CNIH1: variants seen among roughly 807,000 people sequenced by gnomAD.
CNIH1 encodes protein cornichon homolog 1.
CNIH1 carries 12 observed loss-of-function variants against 20.2 expected under a neutral mutation model. The ratio of observed to expected loss-of-function variants is 0.59; its 90% confidence interval spans 0.38 to 0.96. The LOEUF (loss-of-function observed/expected upper bound fraction) is 0.96. CNIH1 is among the 40% of genes least tolerant of loss of function. The pLI, the probability that CNIH1 is intolerant of heterozygous loss-of-function variation, is 0.00. For synonymous variants in CNIH1, 69 were observed against 63.3 expected, an observed-to-expected ratio of 1.09 and a Z score of -0.43; for missense variants, 152 against 178.8, an observed-to-expected ratio of 0.85 and a Z score of 0.85.
At chr14:54,430,607 A>G (rs542680999) in intron 3 of CNIH1, among the ~76,000 whole-genome samples, 1 of 152,364 alleles carries the variant, frequency 6.6e-6, no homozygotes, top group East Asian at 1.9e-4. Context: ...TAGCTAAACA[A>G]GTTTCTTCTA....
intron 1 of CNIH1, 84 bp from the exon 2 acceptor site, chr14:54,436,521 A>C: frequency 1.3e-6 from 1 of 743,064 alleles, no homozygotes; most frequent in Non-Finnish European, 2.3e-6. Flanking sequence ...TAATTATTAA[A>C]GTTAATAAAA....
At chr14:54,440,917 T>C (rs937884587) in intron 1 of CNIH1, among the ~76,000 whole-genome samples, 1 of 152,096 alleles carries the variant, frequency 6.6e-6, no homozygotes, top group Non-Finnish European at 1.5e-5. Context: ...TCCCCGGGAA[T>C]GCAGGGCCGC....
chr14:54,441,333 G>C lies in CNIH1; in HGVS notation c.-6C>G. 6.7e-6 allele frequency: 10 copies of C among 1,501,144 alleles called. No homozygotes were observed. The highest frequency in any genetic ancestry group is 8.0e-6 in the Non-Finnish European group (9 of 1,118,206). The allele number at this position is 1,501,144 out of a possible 1,614,324, so 93.0% of individuals were successfully genotyped here. A position where few individuals can be genotyped will look rare whatever the true frequency, so the allele number is the denominator to read the frequency against. ...GCCGCGAACGTGAACGCCATGGCTG[G>C]GGAGGAGGAGCGGGGAGCGGCGCCG... On this transcript the variant is annotated 5_prime_UTR_variant, in exon 1 of 5. Coordinates refer to ENST00000216416, the MANE Select transcript of CNIH1 (RefSeq NM_005776.3).
intron 4 of CNIH1, among the ~76,000 whole-genome samples, chr14:54,428,809 A>G (rs1053581624): frequency 1.6e-4 from 24 of 152,236 alleles, no homozygotes; most frequent in Admixed American, 1.0e-3. Flanking sequence ...ACTAAAGGAT[A>G]CTCATTTTCA....
At position 54,427,622 on chromosome 14, in the gene CNIH1, C is replaced by A; in HGVS notation, c.*192G>T. Reference sequence around the variant, plus strand: ...ACGTAATACCATTTAAAATCTTTATCTGAGTATAACATATGAAAACAGTCT... The same window carrying A: ...ACGTAATACCATTTAAAATCTTTATATGAGTATAACATATGAAAACAGTCT... On this transcript the variant is annotated 3_prime_UTR_variant, in exon 5 of 5. Transcript: ENST00000216416. 1.7e-6 allele frequency: 1 copy of A among 577,248 alleles called. No individual in the cohort carries two copies. The highest frequency in any genetic ancestry group is 2.4e-5 in the South Asian group (1 of 40,954). 35.8% of individuals were successfully genotyped at this position (577,248 alleles called of 1,614,324 possible). A position where few individuals can be genotyped will look rare whatever the true frequency, so the allele number is the denominator to read the frequency against.
chr14:54,432,902 T>G (rs1365036261), intron 2 of CNIH1, among the ~76,000 whole-genome samples: 2 of 152,208 alleles, frequency 1.3e-5, no homozygotes, highest in African/African-American at 4.8e-5. Context: ...TTCTCATTCT[T>G]AGGTGGCCTT....
intron 4 of CNIH1, among the ~76,000 whole-genome samples, chr14:54,428,187 C>T (rs1006102219): frequency 3.9e-5 from 6 of 152,112 alleles, no homozygotes; most frequent in Admixed American, 1.3e-4. Context: ...GCTCACTTCA[C>T]GCCAGGCCCT....
chr14:54,438,553 CT>C (rs1380572795), intron 1 of CNIH1, among the ~76,000 whole-genome samples: 1 of 152,176 alleles, frequency 6.6e-6, no homozygotes, highest in Non-Finnish European at 1.5e-5. Flanking sequence ...TTCAAACAAT[CT>C]ATGCTCCCGA....
At chr14:54,434,793 T>C (rs1239732126) in intron 2 of CNIH1, among the ~76,000 whole-genome samples, 1 of 152,242 alleles carries the variant, frequency 6.6e-6, no homozygotes, top group Non-Finnish European at 1.5e-5. Context: ...TAGGTTAAGA[T>C]GTTTTAAAAT....
rs1367547515 is a variant in CNIH1 at position 54,441,373 on chromosome 14, A to C, written c.-46T>G. ...GAGCGGCGCCGTTGCCAGCGGAGAAAGGCGGCGCAGGGCCCTCTGGGTAAA... is the reference window on the plus strand; with the variant it reads ...GAGCGGCGCCGTTGCCAGCGGAGAACGGCGGCGCAGGGCCCTCTGGGTAAA... On this transcript the variant is annotated 5_prime_UTR_variant, in exon 1 of 5. Coordinates refer to ENST00000216416, the MANE Select transcript of CNIH1 (RefSeq NM_005776.3). 2.0e-6 allele frequency: 3 copies of C among 1,464,906 alleles called. No individual in the cohort carries two copies. In the African/African-American group the frequency reaches 4.4e-5, roughly 21 times the overall value. 90.7% of individuals were successfully genotyped at this position (1,464,906 alleles called of 1,614,324 possible).
At chr14:54,436,787 T>TAAA in intron 1 of CNIH1, 5 of 382,546 alleles carry the variant, frequency 1.3e-5, no homozygotes, top group African/African-American at 2.1e-5. Context: ...CTCTTTATCC[T>TAAA]AAAAAAAAAA....
chr14:54,439,431 GA>G (rs1315496538), intron 1 of CNIH1, among the ~76,000 whole-genome samples: 2 of 151,686 alleles, frequency 1.3e-5, no homozygotes, highest in Non-Finnish European at 2.9e-5. Flanking sequence ...GTAAAAATGT[GA>G]AAAAGCCTAC....
In CNIH1 at chr14:54,430,068, C is replaced by T. The variant is rs1335025355; in HGVS notation, c.407+193G>A. 1.8e-5 allele frequency: 10 copies of T among 560,844 alleles called. No individual in the cohort carries two copies. The Middle Eastern group carries it at 7.9e-4, about 45-fold the overall frequency. 34.7% of individuals were successfully genotyped at this position (560,844 alleles called of 1,614,324 possible). ...TGACCAAACCTTCTGCCTCTGATGGCAGGCTGGTTTACTGCCTTGACAAGC... is the reference window on the plus strand; with the variant it reads ...TGACCAAACCTTCTGCCTCTGATGGTAGGCTGGTTTACTGCCTTGACAAGC... On this transcript the variant is annotated intron_variant, in intron 4 of 4. Transcript: ENST00000216416.
chr14:54,437,978 GTT>G (rs368797544), intron 1 of CNIH1, among the ~76,000 whole-genome samples: 34 of 141,804 alleles, frequency 2.4e-4, no homozygotes, highest in African/African-American at 5.7e-4. Flanking sequence ...GACTTCAAGG[GTT>G]TTTTTTTTTT....
intron 2 of CNIH1, among the ~76,000 whole-genome samples, chr14:54,433,670 AG>A (rs1241474832): frequency 6.6e-6 from 1 of 152,204 alleles, no homozygotes; most frequent in South Asian, 2.1e-4. Flanking sequence ...TTTAAATTAC[AG>A]ACGTTGTCTT....
At chr14:54,431,575 C>T (rs947295993) in intron 3 of CNIH1, among the ~76,000 whole-genome samples, 25 of 152,232 alleles carry the variant, frequency 1.6e-4, no homozygotes, top group Admixed American at 1.2e-3. Context: ...ACTCTATATA[C>T]GGCAGATATT....
At chr14:54,432,988 A>C (rs2030979292) in intron 2 of CNIH1, among the ~76,000 whole-genome samples, 1 of 152,212 alleles carries the variant, frequency 6.6e-6, no homozygotes, top group Non-Finnish European at 1.5e-5. Flanking sequence ...AGAACCCAAA[A>C]ACAAAATAAA....
At chr14:54,428,817 T>C (rs998941915) in intron 4 of CNIH1, among the ~76,000 whole-genome samples, 10 of 152,234 alleles carry the variant, frequency 6.6e-5, no homozygotes, top group African/African-American at 2.2e-4. Flanking sequence ...ATACTCATTT[T>C]CACAGTAATA....
rs2030819619 is a variant in CNIH1, at chr14:54,425,957, C to T, written c.*1857G>A. On this transcript the variant is annotated 3_prime_UTR_variant, in exon 5 of 5. Transcript: ENST00000216416. ...ATACTCAAGTAACAGCCCCAGGAAA[C>T]CCATCTGGATTATAGAAGACTTGGC... The T allele has an allele frequency of 6.6e-6, 1 of 152,132 alleles. No individual in the cohort carries two copies. The highest frequency in any genetic ancestry group is 6.6e-5 in the Admixed American group (1 of 15,262). 9.4% of individuals were successfully genotyped at this position (152,132 alleles called of 1,614,324 possible).
Sources: allele counts gnomAD v4.1 joint callset (sites outside exome capture counted in the v4.1 genomes callset), GRCh38; gene constraint gnomAD v4.1.1; transcripts MANE v1.5; gene names NCBI Gene and HGNC (gene_info 2026-07-23, HGNC 2026-07-21).